VPS37C: variants seen among roughly 807,000 people sequenced by gnomAD.
The protein encoded by VPS37C is VPS37C subunit of ESCRT-I, also known as vacuolar protein sorting-associated protein 37C.
Under a neutral mutation model 16.1 loss-of-function variants are expected in VPS37C, and 9 were observed. The observed-to-expected ratio is 0.56, with a 90% CI of 0.34 to 0.97. VPS37C has a LOEUF of 0.97. Ranked by LOEUF, VPS37C falls within the 50% of genes least tolerant of loss-of-function variation. VPS37C has a pLI of 0.02. For missense variants in VPS37C, 479 were observed against 472.7 expected, an observed-to-expected ratio of 1.01 and a Z score of -0.12; for synonymous variants, 207 against 206.4, an observed-to-expected ratio of 1.00 and a Z score of -0.02.
At chr11:61,140,037 C>A (rs1165677715) in intron 1 of VPS37C, among the ~76,000 whole-genome samples, 1 of 152,170 alleles carries the variant, frequency 6.6e-6, no homozygotes, top group Non-Finnish European at 1.5e-5. Context: ...GCCACCATGT[C>A]CAGCTCCATA....
chr11:61,132,832 C>T (rs1861297046), intron 4 of VPS37C: 1 of 560,878 alleles, frequency 1.8e-6, no homozygotes, highest in Non-Finnish European at 3.2e-6. Context: ...GTGCTGAACA[C>T]CTGGATGAGC....
At chr11:61,133,082 C>T (rs771872440) in intron 4 of VPS37C, 173 bp downstream of exon 4, 6 of 744,638 alleles carry the variant, frequency 8.1e-6, no homozygotes, top group Middle Eastern at 2.3e-4. Context: ...GACTGGGTTC[C>T]TGTTATTTAT....
chr11:61,143,362 ATTTTTTTTTTTTTTTTTTT>A (rs779076399), intron 1 of VPS37C: 1 of 52,284 alleles, frequency 1.9e-5, no homozygotes, highest in East Asian at 8.5e-4. Context: ...AGGATTCTTA[ATTTTTTTTTTTTTTTTTTT>A]TTTTTTTTTT....
chr11:61,153,894 A>C (rs1468108835), intron 1 of VPS37C, among the ~76,000 whole-genome samples: 1 of 152,216 alleles, frequency 6.6e-6, no homozygotes, highest in Non-Finnish European at 1.5e-5. Context: ...CAATCCTTGG[A>C]GCTCAAACTG....
At chr11:61,141,599 CT>C (rs1861473224) in intron 1 of VPS37C, among the ~76,000 whole-genome samples, 1 of 152,194 alleles carries the variant, frequency 6.6e-6, no homozygotes. Context: ...GGCCCTGCCC[CT>C]CGCACAGGTG....
chr11:61,132,955 G>C, intron 4 of VPS37C: 1 of 546,090 alleles, frequency 1.8e-6, no homozygotes, highest in Non-Finnish European at 3.3e-6. Context: ...CAGGAAGCAG[G>C]GAGAGTGGAG....
intron 2 of VPS37C, 38 bp downstream of exon 2, chr11:61,138,699 G>T: frequency 6.3e-7 from 1 of 1,596,992 alleles, no homozygotes; most frequent in Non-Finnish European, 8.6e-7. Context: ...AGCCTCATCT[G>T]CTGGCCTCTG....
At chr11:61,144,565 C>T (rs534894716) in intron 1 of VPS37C, 1 of 152,348 alleles carries the variant, frequency 6.6e-6, no homozygotes. Flanking sequence ...ACAGGTGACA[C>T]CCAGGTGCAC....
In VPS37C at chr11:61,138,789, T is replaced by A. The variant is rs751119938; in HGVS notation, c.41A>T (p.Glu14Val). Residue 14 changes from glutamate (E) to valine (V), a missense_variant, in exon 2 of 5, where the codon GAG becomes GTG. Glu to Val is a moderately radical substitution (Grantham distance 121, BLOSUM62 -2). Coordinates refer to ENST00000301765, the MANE Select transcript of VPS37C (RefSeq NM_017966.5). ...LKDKTLQELE[E>V]LQNDSEAIDQ... ...AATCGCCTCCGAGTCATTCTGCAACTCCTCCAGCTCCTGCAGGGTCTTATC... is the reference window on the plus strand; with the variant it reads ...AATCGCCTCCGAGTCATTCTGCAACACCTCCAGCTCCTGCAGGGTCTTATC... 4 of 1,614,118 alleles carry A rather than the reference T, an allele frequency of 2.5e-6. No individual in the cohort carries two copies. The highest frequency in any genetic ancestry group is 4.5e-5 in the East Asian group (2 of 44,878).
At chr11:61,150,075 C>T (rs1008721570) in intron 1 of VPS37C, among the ~76,000 whole-genome samples, 3 of 152,078 alleles carry the variant, frequency 2.0e-5, no homozygotes, top group Non-Finnish European at 4.4e-5. Context: ...TGAACCTCCA[C>T]ACACACCTGC....
Position 61,131,831 on chromosome 11 carries a change from G to A in VPS37C, c.1057C>T (p.Pro353Ser). Residue 353 changes from proline (P) to serine (S), a missense_variant, in exon 5 of 5, where the codon CCT (proline) becomes TCT (serine). Physicochemically the swap from Pro to Ser is moderately conservative, Grantham distance 74. Transcript: ENST00000301765. The stretch of plus-strand genomic sequence containing the variant: ...GGCCAGGAGTGTGTCTAATACCCAG[G>A]CCAGGCAGGCCCCGGCGGTGGTGGG... ...GFPPPPGPAW[P>S]GY is the part of the protein sequence containing the mutation. The A allele has an allele frequency of 7.9e-7, 1 of 1,259,516 alleles. No individual in the cohort carries two copies. Among genetic ancestry groups the A allele is most frequent in the South Asian group, 3.7e-5 (1 of 26,684 alleles). 78.0% of individuals were successfully genotyped at this position (1,259,516 alleles called of 1,614,324 possible).
intron 2 of VPS37C, chr11:61,138,059 C>G (rs1364134219): frequency 1.3e-5 from 2 of 152,302 alleles, no homozygotes; most frequent in Non-Finnish European, 2.9e-5. Context: ...GCGTGTGTGT[C>G]TCTCCCTCAC....
chr11:61,157,144 G>A (rs1290889236), intron 1 of VPS37C, among the ~76,000 whole-genome samples: 1 of 152,200 alleles, frequency 6.6e-6, no homozygotes, highest in African/African-American at 2.4e-5. Context: ...ACCTGTCCAT[G>A]GACGCTTGAA....
rs769900068 is a variant in VPS37C at position 61,132,397 on chromosome 11, T to C, written c.491A>G (p.Gln164Arg). ...QEVVRKPRAS[Q>R]ELAGDAPPPR... ...TGGAGGGGCATCGCCGGCCAGCTCC[T>C]GGGAAGCCCTGGGCTTCCTCACCAC... Residue 164 changes from glutamine (Q) to arginine (R), a missense_variant, in exon 5 of 5, where the codon CAG becomes CGG. Transcript: ENST00000301765. 8 of 1,606,102 alleles carry C rather than the reference T, an allele frequency of 5.0e-6. No individual in the cohort carries two copies. The highest frequency in any genetic ancestry group is 1.7e-4 in the Middle Eastern group (1 of 5,954).
At chr11:61,144,336 T>C (rs1394615650) in intron 1 of VPS37C, 1 of 152,148 alleles carries the variant, frequency 6.6e-6, no homozygotes, top group African/African-American at 2.4e-5. Context: ...TTGGCATCTA[T>C]TATCTTATTT....
In VPS37C at chr11:61,155,913, G is replaced by A. The variant is rs564125974; in HGVS notation, c.-7+5478C>T. The stretch of plus-strand genomic sequence containing the variant: ...CAATGTGTTGTGGGATTTATGGCAC[G>A]TGTAGAAGTAAAACAGGTGACAACA... On this transcript the variant is annotated intron_variant, in intron 1 of 4. Transcript: ENST00000301765. Among the ~76,000 whole-genome samples the A allele has an allele frequency of 5.9e-5, 9 of 152,332 alleles. No individual in the cohort carries two copies. In the South Asian group the frequency reaches 8.3e-4, roughly 14 times the overall value.
chr11:61,158,381 T>C (rs969979955), intron 1 of VPS37C, among the ~76,000 whole-genome samples: 3 of 152,184 alleles, frequency 2.0e-5, no homozygotes, highest in Non-Finnish European at 4.4e-5. Flanking sequence ...CCTGCCTGAA[T>C]TGAAAGTTAT....
intron 1 of VPS37C, among the ~76,000 whole-genome samples, chr11:61,147,266 G>A (rs1462358448): frequency 1.3e-5 from 2 of 152,210 alleles, no homozygotes; most frequent in Non-Finnish European, 2.9e-5. Context: ...TGGGGTGGGG[G>A]CACAGGCTGA....
intron 1 of VPS37C, among the ~76,000 whole-genome samples, chr11:61,139,107 C>G (rs1043244412): frequency 2.6e-5 from 4 of 152,296 alleles, no homozygotes; most frequent in East Asian, 1.9e-4. Context: ...AAACCACAAT[C>G]CTCGGGTGCT....
Sources: allele counts gnomAD v4.1 joint callset (sites outside exome capture counted in the v4.1 genomes callset), GRCh38; gene constraint gnomAD v4.1.1; transcripts MANE v1.5; gene names NCBI Gene and HGNC (gene_info 2026-07-23, HGNC 2026-07-21).